NOX4: variants seen among roughly 807,000 people sequenced by gnomAD.
NOX4 encodes the protein NADPH oxidase 4.
A neutral mutation model predicts 87.6 loss-of-function variants in NOX4; 69 were observed. The ratio of observed to expected loss-of-function variants is 0.79; its 90% CI spans 0.65 to 0.96. NOX4 has a LOEUF of 0.96. NOX4 is among the 40% of genes least tolerant of loss of function. NOX4 has a pLI of 0.00. For missense variants in NOX4, 680 were observed against 681.5 expected (o/e 1.00, Z 0.02); for synonymous variants, 275 against 238.2 (o/e 1.15, Z -1.42).
chr11:89,577,195 T>TA, the NOX4 span: 1 of 152,100 alleles, frequency 6.6e-6, no homozygotes, highest in Non-Finnish European at 1.5e-5. Flanking sequence ...TTTACTAGCA[T>TA]AGAGAATTAC....
intron 8 of NOX4, among the ~76,000 whole-genome samples, chr11:89,419,502 C>A (rs1225838942): frequency 6.6e-6 from 1 of 151,264 alleles, no homozygotes; most frequent in African/African-American, 2.4e-5. Flanking sequence ...TATTAAATTT[C>A]CTGGAAAAAA....
the NOX4 span, among the ~76,000 whole-genome samples, chr11:89,566,799 GACTTGTTCCCAGCCCCCAGTGA>G: frequency 6.6e-6 from 1 of 152,174 alleles, no homozygotes; most frequent in African/African-American, 2.4e-5. Context: ...CAAGCACCAG[GACTTGTTCCCAGCCCCCAGTGA>G]CTCCTTGGAA....
chr11:89,586,236 T>C, the NOX4 span, among the ~76,000 whole-genome samples: 1 of 152,164 alleles, frequency 6.6e-6, no homozygotes, highest in Non-Finnish European at 1.5e-5. Context: ...CCATTCTATT[T>C]CATCTGTCTC....
At chr11:89,489,249 G>T (rs897781409) in intron 2 of NOX4, among the ~76,000 whole-genome samples, 1 of 152,000 alleles carries the variant, frequency 6.6e-6, no homozygotes, top group African/African-American at 2.4e-5. Flanking sequence ...ACATAGAAGG[G>T]AGAGCTGGTT....
At chr11:89,414,679 T>C (rs1942668318) in intron 8 of NOX4, among the ~76,000 whole-genome samples, 1 of 150,834 alleles carries the variant, frequency 6.6e-6, no homozygotes, top group South Asian at 2.1e-4. Context: ...ATCATATTAT[T>C]ATGTATCTTA....
chr11:89,583,606 C>A, the NOX4 span, among the ~76,000 whole-genome samples: 3 of 152,150 alleles, frequency 2.0e-5, no homozygotes, highest in African/African-American at 7.2e-5. Flanking sequence ...AATTTTCTTA[C>A]AAAAATTATA....
intron 11 of NOX4, among the ~76,000 whole-genome samples, chr11:89,393,674 G>A: frequency 6.6e-6 from 1 of 152,082 alleles, no homozygotes; most frequent in Non-Finnish European, 1.5e-5. Flanking sequence ...CTAATGATGT[G>A]CCAAGGGTTT....
rs890462270 is a variant in NOX4 at position 89,461,144 on chromosome 11, TC to T, written c.154-9250del. 3.5e-4 allele frequency among the ~76,000 whole-genome samples: 53 copies of T among 151,334 alleles called. 1 individual carries two copies. The highest frequency in any genetic ancestry group is 1.1e-3 in the African/African-American group (44 of 41,254). On this transcript the variant is annotated intron_variant, in intron 2 of 17. Transcript: ENST00000263317. The stretch of plus-strand genomic sequence containing the variant: ...GGACACAGGAAGGGGAACATCACAA[TC>T]CGGGGCCTGTTGTGGGGTGGGGGGA...
chr11:89,561,019 T>TATAC, the NOX4 span, among the ~76,000 whole-genome samples: 175 of 102,160 alleles, frequency 1.7e-3, 1 homozygote, highest in Non-Finnish European at 2.2e-3. Context: ...TATATATATA[T>TATAC]ACATACACAC....
chr11:89,422,289 C>CTA (rs2135266304), intron 7 of NOX4, among the ~76,000 whole-genome samples: 1 of 152,208 alleles, frequency 6.6e-6, no homozygotes, highest in South Asian at 2.1e-4. Context: ...TAGTAGTCTG[C>CTA]TAATATGTAC....
At chr11:89,466,466 G>GT (rs1320327951) in intron 2 of NOX4, among the ~76,000 whole-genome samples, 2 of 152,184 alleles carry the variant, frequency 1.3e-5, no homozygotes, top group Non-Finnish European at 2.9e-5. Flanking sequence ...AATGCAGGCA[G>GT]TATATAGAGT....
the NOX4 span, among the ~76,000 whole-genome samples, chr11:89,561,297 G>C: frequency 1.2e-4 from 18 of 151,414 alleles, no homozygotes; most frequent in Non-Finnish European, 2.5e-4. Context: ...AAAGCTAAGG[G>C]ATATAAGGCA....
At chr11:89,535,527 T>G in the NOX4 span, among the ~76,000 whole-genome samples, 1 of 152,224 alleles carries the variant, frequency 6.6e-6, no homozygotes, top group East Asian at 1.9e-4. Flanking sequence ...AGCAAAACTC[T>G]GCATCATGTA....
At chr11:89,577,866 G>A in the NOX4 span, among the ~76,000 whole-genome samples, 1 of 152,022 alleles carries the variant, frequency 6.6e-6, no homozygotes, top group African/African-American at 2.4e-5. Context: ...CTTTTCCAAA[G>A]ATTTTACAAT....
the NOX4 span, among the ~76,000 whole-genome samples, chr11:89,554,158 A>T: frequency 1.3e-5 from 2 of 151,926 alleles, no homozygotes; most frequent in South Asian, 2.1e-4. Context: ...GCTCAAAATA[A>T]AAGGGGGGGA....
the NOX4 span, among the ~76,000 whole-genome samples, chr11:89,568,244 G>A: frequency 2.6e-5 from 4 of 152,056 alleles, no homozygotes; most frequent in South Asian, 2.1e-4. Context: ...ACTAAAATCC[G>A]AGCTGAACTG....
chr11:89,461,318 GA>G (rs1204792062), intron 2 of NOX4, among the ~76,000 whole-genome samples: 6 of 151,602 alleles, frequency 4.0e-5, no homozygotes, highest in African/African-American at 1.5e-4. Flanking sequence ...TTAAAAAAAA[GA>G]ATATGAAACA....
chr11:89,567,321 G>T, the NOX4 span, among the ~76,000 whole-genome samples: 4 of 152,112 alleles, frequency 2.6e-5, no homozygotes, highest in Non-Finnish European at 5.9e-5. Flanking sequence ...CCTGCCAGCA[G>T]CCTCCTACCA....
At chr11:89,405,819 C>T (rs1469600719) in intron 8 of NOX4, among the ~76,000 whole-genome samples, 1 of 151,362 alleles carries the variant, frequency 6.6e-6, no homozygotes, top group Admixed American at 6.6e-5. Flanking sequence ...AAGTATCTCC[C>T]AACACAATAA....
Sources: allele counts gnomAD v4.1 joint callset (sites outside exome capture counted in the v4.1 genomes callset), GRCh38; gene constraint gnomAD v4.1.1; transcripts MANE v1.5; gene names NCBI Gene and HGNC (gene_info 2026-07-23, HGNC 2026-07-21).